Variants in SMAD5 observed in about 807,000 individuals in gnomAD.
SMAD5 encodes MAD, mothers against decapentaplegic homolog 5.
SMAD5 carries 9 observed loss-of-function variants against 43.1 expected under a neutral mutation model. The observed-to-expected ratio is 0.21, with a 90% CI of 0.13 to 0.36. The LOEUF is 0.36. SMAD5 is among the 10% of genes least tolerant of loss of function. SMAD5 has a pLI of 1.00. For missense variants in SMAD5, 348 were observed against 574.0 expected (o/e 0.61, Z 4.02); for synonymous variants, 190 against 192.4 (o/e 0.99, Z 0.10).
rs191677927 is a variant in SMAD5 at position 136,152,006 on chromosome 5, C to G, written c.-169-1586C>G. 2.6e-5 allele frequency among the ~76,000 whole-genome samples: 4 copies of G among 152,164 alleles called. No individual in the cohort carries two copies. The East Asian group carries it at 7.7e-4, about 29-fold the overall frequency. On this transcript the variant is annotated intron_variant, in intron 2 of 7. Transcript: ENST00000545279. ...TTAGTGACAATTATGCTTTCATTCT[C>G]TTTGTTATATCTCTCTATTTTAATG...
rs575177664 is a variant in SMAD5 at position 136,168,884 on chromosome 5, G to T, written c.776-3550G>T. On this transcript the variant is annotated intron_variant, in intron 5 of 7. Transcript: ENST00000545279. ...TTAAGTTTCTCCATGTCTTTTTATG[G>T]CTTGATAGCTCATTTCTTTTTAGCA... is the stretch of plus-strand genomic sequence containing the variant. Among the ~76,000 whole-genome samples, 3 of 152,186 alleles carry T rather than the reference G, an allele frequency of 2.0e-5. No individual in the cohort carries two copies. The South Asian group carries it at 6.2e-4, about 32-fold the overall frequency.
chr5:136,158,554 T>A (rs926876992), intron 3 of SMAD5, among the ~76,000 whole-genome samples: 1 of 152,178 alleles, frequency 6.6e-6, no homozygotes, highest in Non-Finnish European at 1.5e-5. Flanking sequence ...GTCCAAGGAC[T>A]TCAGACTTGT....
intron 3 of SMAD5, among the ~76,000 whole-genome samples, chr5:136,159,761 T>C (rs1753766407): frequency 6.6e-6 from 1 of 152,228 alleles, no homozygotes; most frequent in Admixed American, 6.5e-5. Context: ...TTTAGTATAC[T>C]AATGCAGTAG....
At chr5:136,177,293 C>G in intron 7 of SMAD5, 44 bp from the exon 8 acceptor site, 4 of 1,595,140 alleles carry the variant, frequency 2.5e-6, no homozygotes, top group Non-Finnish European at 3.4e-6. Context: ...GAGTGGTTGA[C>G]AGTTTAAAGA....
At chr5:136,145,058 C>T (rs1753214189) in intron 1 of SMAD5, among the ~76,000 whole-genome samples, 1 of 151,122 alleles carries the variant, frequency 6.6e-6, no homozygotes, top group Admixed American at 6.6e-5. Context: ...TGGGGAGCAT[C>T]AGAAAGGACT....
At chr5:136,165,873 C>T (rs896690907) in intron 5 of SMAD5, among the ~76,000 whole-genome samples, 1 of 151,730 alleles carries the variant, frequency 6.6e-6, no homozygotes, top group African/African-American at 2.4e-5. Context: ...GTGAATAATA[C>T]TACTGTGGAC....
chr5:136,139,125 G>GGT (rs768277659), intron 1 of SMAD5, among the ~76,000 whole-genome samples: 1 of 120,540 alleles, frequency 8.3e-6, no homozygotes, highest in Non-Finnish European at 1.7e-5. Flanking sequence ...CTAGCTGTGA[G>GGT]CTCTGTGTGT....
chr5:136,167,765 G>A (rs1303616833), intron 5 of SMAD5, among the ~76,000 whole-genome samples: 2 of 144,000 alleles, frequency 1.4e-5, no homozygotes, highest in Middle Eastern at 3.5e-3. Context: ...ATGACAGAGC[G>A]AGATTCCATC....
chr5:136,180,440 T>G lies in SMAD5; in HGVS notation c.*2960T>G, dbSNP rs1431563032. 6.6e-6 allele frequency: 1 copy of G among 152,084 alleles called. No homozygotes were observed. The highest frequency in any genetic ancestry group is 1.5e-5 in the Non-Finnish European group (1 of 67,966). The allele number at this position is 152,084 out of a possible 1,614,324, so 9.4% of individuals were successfully genotyped here. On this transcript the variant is annotated 3_prime_UTR_variant, in exon 8 of 8. Transcript: ENST00000545279. ...GCAAACAGCAGAATAGAATGAAATC[T>G]CAGTAATGAATTAAAGCAACAAAAA...
At chr5:136,148,554 AC>A (rs1236461210) in intron 2 of SMAD5, among the ~76,000 whole-genome samples, 2 of 151,808 alleles carry the variant, frequency 1.3e-5, no homozygotes, top group Non-Finnish European at 2.9e-5. Flanking sequence ...AAAATACATC[AC>A]ATTATCCCCA....
At chr5:136,139,052 G>A (rs531858771) in intron 1 of SMAD5, among the ~76,000 whole-genome samples, 41 of 152,024 alleles carry the variant, frequency 2.7e-4, no homozygotes, top group Non-Finnish European at 5.0e-4. Flanking sequence ...TCAGATTGCA[G>A]CAGTCATAGA....
At chr5:136,163,427 G>A (rs917666597) in intron 5 of SMAD5, 36 bp downstream of exon 5, 9 of 1,522,084 alleles carry the variant, frequency 5.9e-6, no homozygotes, top group African/African-American at 1.4e-5. Context: ...TTTTATAGTA[G>A]TAGTTGTTTT....
At chr5:136,152,940 C>G (rs1018687258) in intron 2 of SMAD5, among the ~76,000 whole-genome samples, 2 of 152,080 alleles carry the variant, frequency 1.3e-5, no homozygotes, top group Non-Finnish European at 2.9e-5. Flanking sequence ...AGAAACTGAC[C>G]CTTTTAAAAT....
intron 1 of SMAD5, among the ~76,000 whole-genome samples, chr5:136,136,475 T>G (rs1052533102): frequency 3.3e-5 from 5 of 152,216 alleles, no homozygotes; most frequent in African/African-American, 4.8e-5. Context: ...TTCATTGGTG[T>G]TGTCACATAC....
chr5:136,134,207 A>G (rs1273700012), intron 1 of SMAD5: 1 of 152,568 alleles, frequency 6.6e-6, no homozygotes, highest in Non-Finnish European at 1.5e-5. Flanking sequence ...AAGGGTTGTT[A>G]TCTAGCAGCA....
rs114022417 is a variant in SMAD5, at chr5:136,172,384, C to T, written c.776-50C>T. On this transcript the variant is annotated intron_variant, in intron 5 of 7. Transcript: ENST00000545279. ...GTTAAAAGATAAACACATGGACAATCTGAGTTTCTGATATGTATTAAACTC... is the reference window on the plus strand; with the variant it reads ...GTTAAAAGATAAACACATGGACAATTTGAGTTTCTGATATGTATTAAACTC... The T allele has an allele frequency of 1.5e-4, 163 of 1,079,910 alleles. 1 individual carries two copies. In the African/African-American group the frequency reaches 2.3e-3, roughly 15 times the overall value. 66.9% of individuals were successfully genotyped at this position (1,079,910 alleles called of 1,614,324 possible).
At chr5:136,138,324 G>A (rs1752955041) in intron 1 of SMAD5, among the ~76,000 whole-genome samples, 2 of 152,208 alleles carry the variant, frequency 1.3e-5, no homozygotes. Context: ...TCTGCTATGA[G>A]AACTTCTTAT....
chr5:136,163,416 A>T (rs372368347), intron 5 of SMAD5, 25 bp downstream of exon 5: 1 of 1,557,894 alleles, frequency 6.4e-7, no homozygotes, highest in African/African-American at 1.4e-5. Flanking sequence ...CACTTCATTT[A>T]TTTTATAGTA....
rs373532916 is a variant in SMAD5 at position 136,166,673 on chromosome 5, T to A, written c.775+3282T>A. Among the ~76,000 whole-genome samples, 5 of 152,340 alleles carry A rather than the reference T, an allele frequency of 3.3e-5. No individual in the cohort carries two copies. In the East Asian group the frequency reaches 9.6e-4, roughly 29 times the overall value. On this transcript the variant is annotated intron_variant, in intron 5 of 7. Transcript: ENST00000545279. ...TGTTGATTAAATTAGACAATACATG[T>A]AATGATTTTAGCACACAACATTAGG...
Sources: allele counts gnomAD v4.1 joint callset (sites outside exome capture counted in the v4.1 genomes callset), GRCh38; gene constraint gnomAD v4.1.1; transcripts MANE v1.5; gene names NCBI Gene and HGNC (gene_info 2026-07-23, HGNC 2026-07-21).